The following GTF2H1 variants were observed in gnomAD, a reference collection of about 807,000 sequenced individuals.
The protein encoded by GTF2H1 is general transcription factor IIH subunit 1, also known as BTF2 p62.
GTF2H1 carries 16 observed loss-of-function variants against 71.2 expected under a neutral mutation model. The ratio of observed to expected loss-of-function variants is 0.22; its 90% CI spans 0.15 to 0.34. The LOEUF is 0.34. GTF2H1 is among the 10% of genes least tolerant of loss of function. The pLI is 1.00. For synonymous variants in GTF2H1, 215 were observed against 219.0 expected (o/e 0.98, Z 0.16); for missense variants, 498 against 648.2 (o/e 0.77, Z 2.52).
chr11:18,360,012 T>G (rs928626351), intron 13 of GTF2H1, among the ~76,000 whole-genome samples: 31 of 151,840 alleles, frequency 2.0e-4, no homozygotes, highest in African/African-American at 6.8e-4. Flanking sequence ...AGGTCAAAGC[T>G]GCAGTGAGCC....
intron 13 of GTF2H1, 69 bp from the exon 14 acceptor site, chr11:18,360,546 A>G: frequency 1.4e-6 from 1 of 711,466 alleles, no homozygotes; most frequent in Non-Finnish European, 2.4e-6. Context: ...CATATGTAGA[A>G]GATTGTTTTT....
At chr11:18,357,915 A>T in intron 11 of GTF2H1, 37 bp from the exon 12 acceptor site, 2 of 1,212,902 alleles carry the variant, frequency 1.6e-6, no homozygotes, top group Admixed American at 1.9e-5. Context: ...AAAAAAAGGG[A>T]GGAAAACCAG....
chr11:18,353,581 T>C (rs1203765666), intron 11 of GTF2H1, among the ~76,000 whole-genome samples: 2 of 152,244 alleles, frequency 1.3e-5, no homozygotes, highest in African/African-American at 4.8e-5. Context: ...AAGACTCAGC[T>C]CCAGTTTCAT....
At position 18,341,733 on chromosome 11, in the gene GTF2H1, T is replaced by A; in HGVS notation, c.837+126T>A. The A allele has an allele frequency of 5.1e-6, 3 of 591,788 alleles. No homozygotes were observed. In the South Asian group the frequency reaches 7.4e-5, roughly 15 times the overall value. The allele number at this position is 591,788 out of a possible 1,614,324, so 36.7% of individuals were successfully genotyped here. ...ATAAGCAAAATACTGTTACTTGAAG[T>A]GATTTATCGGAAGTGCTTTGAAATA... On this transcript the variant is annotated intron_variant, in intron 7 of 14. Transcript: ENST00000265963.
intron 2 of GTF2H1, among the ~76,000 whole-genome samples, chr11:18,334,120 C>G (rs1448345721): frequency 6.6e-6 from 1 of 152,188 alleles, no homozygotes; most frequent in African/African-American, 2.4e-5. Flanking sequence ...TGGCTCACGC[C>G]TGTAATCCCA....
intron 9 of GTF2H1, chr11:18,348,306 A>T (rs1036035144): frequency 1.9e-5 from 6 of 315,996 alleles, no homozygotes; most frequent in African/African-American, 1.3e-4. Context: ...ATTGGCCCTC[A>T]TGTTAAACCT....
Position 18,341,695 on chromosome 11 carries a change from G to C in GTF2H1, c.837+88G>C, listed in dbSNP as rs1020436653. On this transcript the variant is annotated intron_variant, in intron 7 of 14. Coordinates refer to ENST00000265963, the MANE Select transcript of GTF2H1 (RefSeq NM_005316.4). ...TAAGCGTAGTAGACCTATTCCACTT[G>C]TGAGAATGTCAAATAAGCAAAATAC... is the stretch of plus-strand genomic sequence containing the variant. 14 of 778,938 alleles carry C rather than the reference G, an allele frequency of 1.8e-5. No individual in the cohort carries two copies. In the Admixed American group the frequency reaches 3.7e-4, roughly 21 times the overall value. 48.3% of individuals were successfully genotyped at this position (778,938 alleles called of 1,614,324 possible).
chr11:18,331,503 CCAAAAATA>C (rs1864896752), intron 1 of GTF2H1, among the ~76,000 whole-genome samples: 1 of 152,046 alleles, frequency 6.6e-6, no homozygotes, highest in Non-Finnish European at 1.5e-5. Flanking sequence ...CCCGTCTCTA[CCAAAAATA>C]CAAAAATAGC....
intron 1 of GTF2H1, among the ~76,000 whole-genome samples, chr11:18,323,186 C>T (rs1564999062): frequency 6.6e-6 from 1 of 152,268 alleles, no homozygotes; most frequent in East Asian, 1.9e-4. Context: ...TAGTTTTGGT[C>T]ATTTGATTGT....
intron 4 of GTF2H1, among the ~76,000 whole-genome samples, chr11:18,338,643 C>G (rs1865088045): frequency 6.6e-6 from 1 of 152,172 alleles, no homozygotes; most frequent in African/African-American, 2.4e-5. Flanking sequence ...GGGGGCAGCT[C>G]TTTTTGTATT....
chr11:18,364,258 A>AT (rs535061929), intron 14 of GTF2H1, among the ~76,000 whole-genome samples: 7 of 152,092 alleles, frequency 4.6e-5, no homozygotes, highest in East Asian at 1.9e-4. Flanking sequence ...AGTAAGGGTA[A>AT]TTTTTTTAAC....
chr11:18,357,981 C>T lies in GTF2H1; in HGVS notation c.1290C>T (p.Thr430=), dbSNP rs767992429. 6 of 1,611,008 alleles carry T rather than the reference C, an allele frequency of 3.7e-6. No homozygotes were observed. In the East Asian group the frequency reaches 1.1e-4, roughly 30 times the overall value. The stretch of plus-strand genomic sequence containing the variant: ...TCTCAAGTAGTGCTGCCAGTAGTAC[C>T]ATCACAGCACTGTCACCTGGAGGGG... ...QVLSSSAASS[T]ITALSPGGAL... Residue 430 remains threonine (T), a synonymous_variant, in exon 12 of 15, where the codon ACC becomes ACT. Coordinates refer to ENST00000265963, the MANE Select transcript of GTF2H1 (RefSeq NM_005316.4).
chr11:18,336,757 ATTTT>A (rs10652759), intron 3 of GTF2H1, among the ~76,000 whole-genome samples: 1 of 145,780 alleles, frequency 6.9e-6, no homozygotes. Context: ...AATAATGAGA[ATTTT>A]TTTTTTTTTT....
chr11:18,340,093 C>G (rs1865123110), intron 5 of GTF2H1, among the ~76,000 whole-genome samples: 1 of 152,172 alleles, frequency 6.6e-6, no homozygotes, highest in African/African-American at 2.4e-5. Flanking sequence ...CTTCCCCACT[C>G]TTACCCCTTT....
chr11:18,348,975 AC>A (rs137905007), intron 9 of GTF2H1: 3,859 of 152,296 alleles, frequency 0.025, 143 homozygotes, highest in South Asian at 0.083. Flanking sequence ...GCTCACTGCA[AC>A]GTCTGCCTCC....
At chr11:18,338,632 G>A (rs551128070) in intron 4 of GTF2H1, among the ~76,000 whole-genome samples, 6 of 152,054 alleles carry the variant, frequency 3.9e-5, no homozygotes, top group East Asian at 3.9e-4. Flanking sequence ...TTTATAGGGC[G>A]GGGGGCAGCT....
At chr11:18,359,102 C>A (rs1865637409) in intron 13 of GTF2H1, among the ~76,000 whole-genome samples, 1 of 152,072 alleles carries the variant, frequency 6.6e-6, no homozygotes, top group Admixed American at 6.6e-5. Context: ...CTTTCATAAA[C>A]TATGATTAAG....
rs540396050 is a variant in GTF2H1 at position 18,337,029 on chromosome 11, G to A, written c.348-1080G>A. ...GCCTTCCAAAGTGCTGGGATAACAG[G>A]TGTGAACCGCCACACCTGGCCACAA... is the stretch of plus-strand genomic sequence containing the variant. On this transcript the variant is annotated intron_variant, in intron 3 of 14. Coordinates refer to ENST00000265963, the MANE Select transcript of GTF2H1 (RefSeq NM_005316.4). Among the ~76,000 whole-genome samples the A allele has an allele frequency of 4.6e-5, 7 of 152,266 alleles. No individual in the cohort carries two copies. The East Asian group carries it at 1.3e-3, about 29-fold the overall frequency.
At chr11:18,352,509 C>G (rs1156250586) in intron 11 of GTF2H1, 63 bp downstream of exon 11, 9 of 722,542 alleles carry the variant, frequency 1.2e-5, no homozygotes, top group Non-Finnish European at 2.3e-5. Flanking sequence ...TTTATGAGCA[C>G]AAGCAGATTG....
Sources: allele counts gnomAD v4.1 joint callset (sites outside exome capture counted in the v4.1 genomes callset), GRCh38; gene constraint gnomAD v4.1.1; transcripts MANE v1.5; gene names NCBI Gene and HGNC (gene_info 2026-07-23, HGNC 2026-07-21).